Variants in CCDC191 observed in about 807,000 individuals in gnomAD.
The protein encoded by CCDC191 is coiled-coil domain-containing protein 191.
A neutral mutation model predicts 114.0 loss-of-function variants in CCDC191; 99 were observed. The ratio of observed to expected loss-of-function variants is 0.87; its 90% CI spans 0.74 to 1.03. The LOEUF is 1.03. Ranked by LOEUF, CCDC191 falls within the 50% of genes least tolerant of loss-of-function variation. The probability of loss-of-function intolerance (pLI) is 0.00; values close to 1 mark genes in which losing one functional copy is unlikely to be tolerated. For missense variants in CCDC191, 973 were observed against 1,087.0 expected, an observed-to-expected ratio of 0.90 and a Z score of 1.47; for synonymous variants, 351 against 376.0, an observed-to-expected ratio of 0.93 and a Z score of 0.77.
chr3:114,035,074 G>T lies in CCDC191; in HGVS notation c.669C>A (p.Ala223=). 1 of 1,614,028 alleles carries T rather than the reference G, an allele frequency of 6.2e-7. No homozygotes were observed. The highest frequency in any genetic ancestry group is 8.5e-7 in the Non-Finnish European group (1 of 1,179,980). The change falls in exon 6 of 17, where the codon GCC becomes GCA. Residue 223 remains alanine (A), a synonymous_variant. Transcript: ENST00000295878. ...GCACCAGACACTGAGCCTCCAAGAAGGCCGATTTTTTCAGGGTCTTTTCTA... is the reference window on the plus strand; with the variant it reads ...GCACCAGACACTGAGCCTCCAAGAATGCCGATTTTTTCAGGGTCTTTTCTA... ...QRIEKTLKKS[A]FLEAQCLVQE...
chr3:114,042,338 A>C (rs912168699), intron 4 of CCDC191, among the ~76,000 whole-genome samples: 5 of 152,248 alleles, frequency 3.3e-5, no homozygotes, highest in Admixed American at 1.3e-4. Context: ...TTTACATAGA[A>C]TTTATACTGT....
In CCDC191 at chr3:114,010,927, T is replaced by A; in HGVS notation, c.1258A>T (p.Arg420Ter). ...TCCTCTTTTGTGAGAGCCAGCTCTC[T>A]CTTCAGGAGCTCGGCGCCATGCCAA... ...QHWHGAELLK[R>*]ELALTKEETR... The change falls in exon 9 of 17, where the codon AGA (arginine) becomes TGA (stop). Residue 420 changes from arginine to a stop codon, truncating the protein, a stop_gained. Coordinates refer to ENST00000295878, the MANE Select transcript of CCDC191 (RefSeq NM_020817.2). LOFTEE classifies it high-confidence loss of function. 1.9e-6 allele frequency: 3 copies of A among 1,614,072 alleles called. No homozygotes were observed. The highest frequency in any genetic ancestry group is 2.5e-6 in the Non-Finnish European group (3 of 1,179,928).
intron 2 of CCDC191, among the ~76,000 whole-genome samples, chr3:114,048,339 A>G (rs2076657663): frequency 6.6e-6 from 1 of 152,210 alleles, no homozygotes; most frequent in Non-Finnish European, 1.5e-5. Flanking sequence ...AATGTGTGTC[A>G]CAACTCCACT....
intron 16 of CCDC191, among the ~76,000 whole-genome samples, chr3:113,977,741 A>G (rs1424249338): frequency 1.3e-5 from 2 of 152,236 alleles, no homozygotes; most frequent in Admixed American, 1.3e-4. Context: ...CAGTGGTGGT[A>G]ACAAAGGGTG....
intron 4 of CCDC191, among the ~76,000 whole-genome samples, chr3:114,041,235 T>C (rs1335184622): frequency 6.6e-6 from 1 of 152,040 alleles, no homozygotes; most frequent in Non-Finnish European, 1.5e-5. Context: ...AACTAGAAAA[T>C]GTCCAGAAGG....
chr3:114,024,134 T>C (rs2076284176), intron 7 of CCDC191, among the ~76,000 whole-genome samples: 1 of 152,118 alleles, frequency 6.6e-6, no homozygotes. Flanking sequence ...GAAATGCAAA[T>C]CAATACCACA....
At chr3:113,974,296 G>A (rs1446468469) in intron 16 of CCDC191, among the ~76,000 whole-genome samples, 3 of 151,292 alleles carry the variant, frequency 2.0e-5, no homozygotes, top group Admixed American at 2.0e-4. Flanking sequence ...TATTTGGGAA[G>A]GTCATGGTTC....
chr3:114,012,930 ACT>A (rs2076095290), intron 8 of CCDC191, among the ~76,000 whole-genome samples: 1 of 152,188 alleles, frequency 6.6e-6, no homozygotes, highest in Non-Finnish European at 1.5e-5. Context: ...CTTAAAGCCC[ACT>A]CTATAATGGT....
intron 13 of CCDC191, among the ~76,000 whole-genome samples, chr3:113,991,243 A>G (rs2075552616): frequency 6.7e-6 from 1 of 150,214 alleles, no homozygotes; most frequent in Admixed American, 6.6e-5. Flanking sequence ...AAAAAAAAAA[A>G]AGAAAAACAA....
intron 13 of CCDC191, chr3:113,984,794 A>G (rs1019348315): frequency 2.6e-5 from 4 of 152,228 alleles, no homozygotes; most frequent in African/African-American, 9.6e-5. Context: ...TGATATAGTG[A>G]GAGAAATAAA....
chr3:113,991,974 T>C (rs894444407), intron 13 of CCDC191, among the ~76,000 whole-genome samples: 3 of 152,110 alleles, frequency 2.0e-5, no homozygotes, highest in African/African-American at 7.2e-5. Flanking sequence ...AGGAAAGCTA[T>C]AAAAACAATG....
At position 114,005,361 on chromosome 3, in the gene CCDC191, G is replaced by A. The variant is rs2075933966; in HGVS notation, c.1868+147C>T. On this transcript the variant is annotated intron_variant, in intron 10 of 16. Coordinates refer to ENST00000295878, the MANE Select transcript of CCDC191 (RefSeq NM_020817.2). The stretch of plus-strand genomic sequence containing the variant: ...GACTATCTGTGCCTGTCATATACTA[G>A]TCATAACTAGGCTTCTTTGCTTTGA... 3 of 719,986 alleles carry A rather than the reference G, an allele frequency of 4.2e-6. 1 individual carries two copies. Among genetic ancestry groups the A allele is most frequent in the Admixed American group, 2.9e-5 (1 of 35,086 alleles). 44.6% of individuals were successfully genotyped at this position (719,986 alleles called of 1,614,324 possible). A position where few individuals can be genotyped will look rare whatever the true frequency, so the allele number is the denominator to read the frequency against.
rs762241264 is a variant in CCDC191, at chr3:114,036,577, T to C, written c.594+31A>G. 1.8e-5 allele frequency: 27 copies of C among 1,501,016 alleles called. No homozygotes were observed. In the South Asian group the frequency reaches 2.6e-4, roughly 14 times the overall value. The allele number at this position is 1,501,016 out of a possible 1,614,324, so 93.0% of individuals were successfully genotyped here. On this transcript the variant is annotated intron_variant, in intron 5 of 16. Transcript: ENST00000295878. Reference sequence around the variant, plus strand: ...GTGTTACACAAAGACTGCTTCCTGTTATCCATTTTAATTTTGTTTTTCCCT... The same window carrying C: ...GTGTTACACAAAGACTGCTTCCTGTCATCCATTTTAATTTTGTTTTTCCCT...
At chr3:113,968,227 C>T (rs750575113) in intron 16 of CCDC191, among the ~76,000 whole-genome samples, 1 of 152,112 alleles carries the variant, frequency 6.6e-6, no homozygotes, top group Non-Finnish European at 1.5e-5. Context: ...TCTATAATGG[C>T]TGTACTAATT....
intron 6 of CCDC191, 130 bp downstream of exon 6, chr3:114,034,795 T>C (rs2076457753): frequency 1.3e-6 from 1 of 756,214 alleles, no homozygotes; most frequent in South Asian, 1.8e-5. Context: ...TTTGTTAAGA[T>C]GGTGGAATAG....
chr3:114,013,508 T>C (rs1182269157), intron 8 of CCDC191, among the ~76,000 whole-genome samples: 1 of 152,220 alleles, frequency 6.6e-6, no homozygotes, highest in Non-Finnish European at 1.5e-5. Flanking sequence ...CTTAGTCAGA[T>C]GCAACTTACT....
intron 11 of CCDC191, chr3:114,002,979 T>C (rs2075882992): frequency 2.0e-6 from 2 of 985,256 alleles, no homozygotes; most frequent in Non-Finnish European, 2.4e-6. Flanking sequence ...CTTAAGTCAC[T>C]GTACATATGT....
chr3:113,966,938 A>G (rs1940239026), intron 16 of CCDC191, among the ~76,000 whole-genome samples: 1 of 151,918 alleles, frequency 6.6e-6, no homozygotes, highest in Admixed American at 6.6e-5. Flanking sequence ...ATCTCTACTA[A>G]AAATACAAAA....
intron 2 of CCDC191, among the ~76,000 whole-genome samples, chr3:114,049,125 T>C (rs1241353574): frequency 6.6e-6 from 1 of 152,208 alleles, no homozygotes; most frequent in Non-Finnish European, 1.5e-5. Flanking sequence ...GAAAAAGATG[T>C]AGAAAACAGA....
Sources: allele counts gnomAD v4.1 joint callset (sites outside exome capture counted in the v4.1 genomes callset), GRCh38; gene constraint gnomAD v4.1.1; transcripts MANE v1.5; gene names NCBI Gene and HGNC (gene_info 2026-07-23, HGNC 2026-07-21).